The following USP46 variants were observed in gnomAD, a reference collection of about 807,000 sequenced individuals.
The protein encoded by USP46 is ubiquitin carboxyl-terminal hydrolase 46.
A neutral mutation model predicts 44.4 loss-of-function variants in USP46; 12 were observed. The observed-to-expected ratio is 0.27, with a 90% CI of 0.17 to 0.44. USP46 has a LOEUF of 0.44. Ranked by LOEUF, USP46 falls within the 20% of genes least tolerant of loss-of-function variation. USP46 has a pLI of 1.00. For synonymous variants in USP46, 155 were observed against 161.5 expected, an observed-to-expected ratio of 0.96 and a Z score of 0.31; for missense variants, 248 against 444.8, an observed-to-expected ratio of 0.56 and a Z score of 3.98.
chr4:52,630,251 C>CA (rs533690566), intron 2 of USP46, among the ~76,000 whole-genome samples: 2 of 151,510 alleles, frequency 1.3e-5, no homozygotes, highest in African/African-American at 4.8e-5. Flanking sequence ...CTGCTGAGTG[C>CA]AAAAAAAATG....
At position 52,609,980 on chromosome 4, in the gene USP46, C is replaced by T. The variant is rs1281111317; in HGVS notation, c.638+561G>A. Among the ~76,000 whole-genome samples the T allele has an allele frequency of 3.6e-5, 4 of 110,190 alleles. No homozygotes were observed. The Admixed American group carries it at 5.6e-4, about 15-fold the overall frequency. 72.3% of individuals were successfully genotyped at this position (110,190 alleles called of 152,430 possible). A position where few individuals can be genotyped will look rare whatever the true frequency, so the allele number is the denominator to read the frequency against. On this transcript the variant is annotated intron_variant, in intron 5 of 8. Transcript: ENST00000441222. ...TCGCTCTGTCGCCCAGGCTGGAGTG[C>T]AGTGGCGCGATCTCGACTCACTGCA...
chr4:52,645,587 A>G (rs1718524875), intron 1 of USP46, among the ~76,000 whole-genome samples: 1 of 152,120 alleles, frequency 6.6e-6, no homozygotes, highest in Non-Finnish European at 1.5e-5. Context: ...TTCCAATTCA[A>G]TCCTTCTACA....
At chr4:52,618,820 G>A (rs552660666) in intron 4 of USP46, among the ~76,000 whole-genome samples, 4 of 152,282 alleles carry the variant, frequency 2.6e-5, no homozygotes, top group Non-Finnish European at 1.5e-5. Context: ...TCCTATCTGC[G>A]AAAGCCTCAG....
intron 4 of USP46, among the ~76,000 whole-genome samples, chr4:52,619,714 G>C (rs1003888649): frequency 9.9e-5 from 15 of 152,186 alleles, no homozygotes; most frequent in African/African-American, 3.6e-4. Context: ...AAAATGGAAT[G>C]CAACGCCTTG....
chr4:52,635,836 A>G (rs572758573), intron 1 of USP46, among the ~76,000 whole-genome samples: 2 of 152,260 alleles, frequency 1.3e-5, no homozygotes, highest in South Asian at 4.1e-4. Flanking sequence ...GATGAATCAG[A>G]TGATTTCTGA....
intron 1 of USP46, among the ~76,000 whole-genome samples, chr4:52,645,778 G>A (rs199536302): frequency 6.6e-6 from 1 of 152,150 alleles, no homozygotes; most frequent in Admixed American, 6.5e-5. Context: ...ATCTAGAATT[G>A]TAATTCCCAC....
intron 1 of USP46, among the ~76,000 whole-genome samples, chr4:52,633,831 G>A (rs1718005491): frequency 1.3e-5 from 2 of 152,174 alleles, no homozygotes; most frequent in South Asian, 4.1e-4. Flanking sequence ...AAATATGCTG[G>A]AGACAGAGGC....
intron 1 of USP46, among the ~76,000 whole-genome samples, chr4:52,637,338 A>C (rs895206161): frequency 5.3e-5 from 8 of 152,140 alleles, no homozygotes; most frequent in East Asian, 1.9e-4. Flanking sequence ...CTACATGCCA[A>C]CCATTTCCAA....
chr4:52,615,884 T>G (rs1180724703), intron 4 of USP46, among the ~76,000 whole-genome samples: 3 of 152,214 alleles, frequency 2.0e-5, no homozygotes, highest in African/African-American at 7.2e-5. Context: ...ACCAAAGTTG[T>G]TTTTAAAAAG....
intron 4 of USP46, among the ~76,000 whole-genome samples, chr4:52,615,502 T>A (rs1717099387): frequency 6.6e-6 from 1 of 152,092 alleles, no homozygotes; most frequent in Non-Finnish European, 1.5e-5. Flanking sequence ...ATAGCCCCCA[T>A]AATAGAGCCT....
At chr4:52,601,523 A>G (rs976641482) in intron 7 of USP46, among the ~76,000 whole-genome samples, 1 of 152,236 alleles carries the variant, frequency 6.6e-6, no homozygotes. Context: ...TCATACTGTA[A>G]ATGCAACTTG....
In USP46 at chr4:52,592,509, G is replaced by C; in HGVS notation, c.*5131C>G. 1 of 175,540 alleles carries C rather than the reference G, an allele frequency of 5.7e-6. No homozygotes were observed. Among genetic ancestry groups the C allele is most frequent in the Non-Finnish European group, 1.2e-5 (1 of 83,566 alleles). The allele number at this position is 175,540 out of a possible 1,614,324, so 10.9% of individuals were successfully genotyped here. A position where few individuals can be genotyped will look rare whatever the true frequency, so the allele number is the denominator to read the frequency against. On this transcript the variant is annotated 3_prime_UTR_variant, in exon 9 of 9. Transcript: ENST00000441222. ...TAGGTGGTTAAGCACCATCCCCCTA[G>C]TACTGCCTCATGACTGAGTTCTCAC...
intron 6 of USP46, among the ~76,000 whole-genome samples, chr4:52,604,142 C>T (rs1158395113): frequency 3.9e-5 from 6 of 152,168 alleles, no homozygotes; most frequent in South Asian, 2.1e-4. Flanking sequence ...GTGTTATATA[C>T]TCTGCTAAGT....
Position 52,594,448 on chromosome 4 carries a change from G to A in USP46, c.*3192C>T, listed in dbSNP as rs1716146553. On this transcript the variant is annotated 3_prime_UTR_variant, in exon 9 of 9. Transcript: ENST00000441222. ...TACTGGAAAACAGAAATTTAATTAGGCAGAAAAGTAGGAAATAATTTTCCC... is the reference window on the plus strand; with the variant it reads ...TACTGGAAAACAGAAATTTAATTAGACAGAAAAGTAGGAAATAATTTTCCC... 1 of 152,092 alleles carries A rather than the reference G, an allele frequency of 6.6e-6. No individual in the cohort carries two copies. The highest frequency in any genetic ancestry group is 2.4e-5 in the African/African-American group (1 of 41,416). 9.4% of individuals were successfully genotyped at this position (152,092 alleles called of 1,614,324 possible). A position where few individuals can be genotyped will look rare whatever the true frequency, so the allele number is the denominator to read the frequency against.
intron 5 of USP46, among the ~76,000 whole-genome samples, chr4:52,609,894 ATTTCTTTTTTT>A (rs1716863433): frequency 6.8e-4 from 14 of 20,694 alleles, no homozygotes; most frequent in Admixed American, 3.1e-3. Context: ...CCTCAATTCT[ATTTCTTTTTTT>A]TTTTTTTTTT....
chr4:52,597,828 A>G, intron 8 of USP46, 87 bp from the exon 9 acceptor site: 2 of 956,716 alleles, frequency 2.1e-6, no homozygotes, highest in South Asian at 3.4e-5. Flanking sequence ...ATATATTAAA[A>G]TGCAAGGAAC....
intron 1 of USP46, 138 bp downstream of exon 1, chr4:52,658,977 T>A: frequency 9.2e-7 from 1 of 1,081,644 alleles, no homozygotes; most frequent in Non-Finnish European, 1.2e-6. Flanking sequence ...CGCGCCCAGC[T>A]CGGGGGCCGG....
chr4:52,638,556 T>A (rs1015808994), intron 1 of USP46, among the ~76,000 whole-genome samples: 43 of 151,204 alleles, frequency 2.8e-4, no homozygotes, highest in Non-Finnish European at 6.0e-4. Context: ...ATCCTGTATG[T>A]CTCCCTTATA....
Position 52,659,249 on chromosome 4 carries a change from G to C in USP46, c.-99C>G. ...TGGCGGGGAGGCCGGGCGGCAGCGC[G>C]GCGGCCTGGGGTCCGGCTTTCAGTT... is the stretch of plus-strand genomic sequence containing the variant. On this transcript the variant is annotated 5_prime_UTR_variant, in exon 1 of 9. Transcript: ENST00000441222. This position sits in a 1 kb window ranked among gnomAD's most constrained non-coding sequence, Gnocchi z 4.2. 1 of 1,372,450 alleles carries C rather than the reference G, an allele frequency of 7.3e-7. No individual in the cohort carries two copies. The highest frequency in any genetic ancestry group is 2.8e-5 in the Admixed American group (1 of 35,796). The allele number at this position is 1,372,450 out of a possible 1,614,324, so 85.0% of individuals were successfully genotyped here. A position where few individuals can be genotyped will look rare whatever the true frequency, so the allele number is the denominator to read the frequency against.
Sources: gnomAD v4.1 joint callset for allele counts (sites outside exome capture counted in the v4.1 genomes callset) on GRCh38, gnomAD v4.1.1 for gene constraint, Gnocchi (gnomAD v3.1) non-coding constraint, MANE v1.5 for transcripts, NCBI Gene and HGNC (gene_info 2026-07-23, HGNC 2026-07-21) for gene names.